The following SLC14A2 variants were observed in gnomAD, a reference collection of about 807,000 sequenced individuals.
SLC14A2 encodes solute carrier family 14 member 2, also known as urea transporter 2.
In SLC14A2, 91 loss-of-function variants were observed where a neutral mutation model predicts 104.6. The observed-to-expected ratio is 0.87, with a 90% CI of 0.73 to 1.04. The LOEUF is 1.04. SLC14A2 is among the 50% of genes least tolerant of loss of function. The probability of loss-of-function intolerance (pLI) is 0.00; values close to 1 mark genes in which losing one functional copy is unlikely to be tolerated. For missense variants in SLC14A2, 1,189 were observed against 1,156.0 expected, an observed-to-expected ratio of 1.03 and a Z score of -0.41; for synonymous variants, 476 against 466.4, an observed-to-expected ratio of 1.02 and a Z score of -0.27.
At chr18:45,415,074 G>T (rs1193360939) in intron 1 of SLC14A2, among the ~76,000 whole-genome samples, 1 of 151,958 alleles carries the variant, frequency 6.6e-6, no homozygotes, top group Non-Finnish European at 1.5e-5. Context: ...AAATTTAAGT[G>T]AAGCAAATTT....
the SLC14A2 span, among the ~76,000 whole-genome samples, chr18:45,199,362 C>T: frequency 3.3e-5 from 5 of 152,110 alleles, no homozygotes; most frequent in Non-Finnish European, 4.4e-5. Context: ...AAATTCTTAT[C>T]AGACAGATAT....
Position 45,480,640 on chromosome 18 carries a change from G to A in SLC14A2, c.-124-2593G>A, listed in dbSNP as rs142743919. On this transcript the variant is annotated intron_variant, in intron 1 of 20. Coordinates refer to the SLC14A2 transcript ENST00000586448. ...ATTACCCCCACAGCCCACATAACCA[G>A]AGCAGAGCTCCCCTTACATGCCTGA... is the stretch of plus-strand genomic sequence containing the variant. 9.3e-4 allele frequency among the ~76,000 whole-genome samples: 141 copies of A among 152,228 alleles called. 1 individual carries two copies. Among genetic ancestry groups the A allele is most frequent in the African/African-American group, 3.3e-3 (137 of 41,540 alleles).
intron 10 of SLC14A2, chr18:45,647,957 T>TAAC (rs1238965452): frequency 3.9e-5 from 6 of 152,154 alleles, no homozygotes; most frequent in African/African-American, 1.4e-4. Flanking sequence ...AATTGATTTG[T>TAAC]TAATTGTATT....
intron 1 of SLC14A2, among the ~76,000 whole-genome samples, chr18:45,305,024 T>C (rs1168672000): frequency 6.6e-6 from 1 of 152,224 alleles, no homozygotes; most frequent in Non-Finnish European, 1.5e-5. Context: ...TGAGAATCAT[T>C]CCACAGTGTC....
At chr18:45,307,293 C>T (rs576817904) in intron 1 of SLC14A2, among the ~76,000 whole-genome samples, 63 of 151,848 alleles carry the variant, frequency 4.1e-4, no homozygotes, top group South Asian at 2.9e-3. Context: ...TGGTGGATGC[C>T]TGTAATCCCA....
Position 45,625,854 on chromosome 18 carries a change from T to A in SLC14A2, c.322T>A (p.Trp108Arg). The A allele has an allele frequency of 6.8e-7, 1 of 1,473,092 alleles. No homozygotes were observed. The highest frequency in any genetic ancestry group is 9.0e-7 in the Non-Finnish European group (1 of 1,113,580). 91.3% of individuals were successfully genotyped at this position (1,473,092 alleles called of 1,614,324 possible). The change falls in exon 3 of 20, where the codon TGG becomes AGG. Residue 108 changes from tryptophan to arginine, a missense_variant. Coordinates refer to ENST00000255226, the MANE Select transcript of SLC14A2 (RefSeq NM_007163.4). ...LTGDMKEYRI[W>R]LKDKHLALQF... ...GGGCGACATGAAGGAGTACAGGATC[T>A]GGCTGAAAGGTAGGAAAATACCCTG... is the stretch of plus-strand genomic sequence containing the variant.
At chr18:45,596,027 C>A (rs1277836018) in intron 2 of SLC14A2, among the ~76,000 whole-genome samples, 1 of 152,150 alleles carries the variant, frequency 6.6e-6, no homozygotes, top group Non-Finnish European at 1.5e-5. Context: ...AAAAAGAAAA[C>A]CACCCAGTAC....
upstream of SLC14A2, among the ~76,000 whole-genome samples, chr18:45,614,385 G>A (rs2045025171): frequency 6.6e-6 from 1 of 152,214 alleles, no homozygotes; most frequent in African/African-American, 2.4e-5. Flanking sequence ...CCCCCACACA[G>A]AGTCCCCACT....
intron 1 of SLC14A2, among the ~76,000 whole-genome samples, chr18:45,226,518 T>A (rs1480152830): frequency 1.3e-5 from 2 of 152,010 alleles, no homozygotes; most frequent in African/African-American, 4.8e-5. Context: ...TGTCCTTTGT[T>A]GGGACATGGA....
chr18:45,548,556 T>C (rs2044007942), intron 2 of SLC14A2, among the ~76,000 whole-genome samples: 1 of 152,062 alleles, frequency 6.6e-6, no homozygotes, highest in Non-Finnish European at 1.5e-5. Flanking sequence ...ATAAAAAAAT[T>C]AGCCATGCGT....
intron 1 of SLC14A2, among the ~76,000 whole-genome samples, chr18:45,220,360 G>A (rs928862465): frequency 2.0e-5 from 3 of 152,160 alleles, no homozygotes; most frequent in Non-Finnish European, 4.4e-5. Flanking sequence ...CAGTTATCAG[G>A]CCCTTACTAC....
chr18:45,211,235 C>G (rs948566361), upstream of SLC14A2, among the ~76,000 whole-genome samples: 13 of 152,160 alleles, frequency 8.5e-5, no homozygotes, highest in African/African-American at 3.1e-4. Flanking sequence ...ACATATTTTC[C>G]CAGTGCCCAA....
the SLC14A2 span, among the ~76,000 whole-genome samples, chr18:45,203,317 C>G: frequency 5.3e-5 from 8 of 152,180 alleles, no homozygotes; most frequent in Middle Eastern, 3.2e-3. Context: ...CATTCTTACC[C>G]AGTGTGATCT....
At chr18:45,523,765 C>T (rs1598958549) in intron 2 of SLC14A2, among the ~76,000 whole-genome samples, 2 of 152,028 alleles carry the variant, frequency 1.3e-5, no homozygotes, top group Non-Finnish European at 2.9e-5. Context: ...GCCTGGATCT[C>T]CACTGAGGGC....
intron 1 of SLC14A2, among the ~76,000 whole-genome samples, chr18:45,293,720 C>A (rs910583140): frequency 6.6e-6 from 1 of 152,072 alleles, no homozygotes; most frequent in Non-Finnish European, 1.5e-5. Flanking sequence ...TGTTTCTTTA[C>A]GAAGAGGTTG....
At chr18:45,640,022 G>T (rs1036378195) in intron 7 of SLC14A2, 129 bp downstream of exon 7, 1 of 860,846 alleles carries the variant, frequency 1.2e-6, no homozygotes, top group Non-Finnish European at 1.8e-6. Flanking sequence ...AGACAGGCAC[G>T]GTGACTTATG....
chr18:45,413,960 AAAG>A (rs1649799787), intron 1 of SLC14A2, among the ~76,000 whole-genome samples: 2 of 152,220 alleles, frequency 1.3e-5, no homozygotes, highest in Admixed American at 6.5e-5. Flanking sequence ...CGTAAAAAAA[AAAG>A]AAAATCACGT....
At chr18:45,249,558 CCT>C (rs1394079113) in intron 1 of SLC14A2, among the ~76,000 whole-genome samples, 2 of 152,262 alleles carry the variant, frequency 1.3e-5, no homozygotes, top group Non-Finnish European at 2.9e-5. Context: ...AAACATCTGG[CCT>C]CTCTGATTTT....
Position 45,682,498 on chromosome 18 carries a change from T to A in SLC14A2, c.2742T>A (p.Tyr914Ter). ...RNRRASIITK[Y>*]QAYDVS Reference sequence around the variant, plus strand: ...GAAGGGCATCAATCATAACAAAGTATCAGGCCTACGATGTCTCCTAAGTTT... The same window carrying A: ...GAAGGGCATCAATCATAACAAAGTAACAGGCCTACGATGTCTCCTAAGTTT... The change falls in exon 20 of 20, where the codon TAT becomes TAA. Residue 914 changes from tyrosine (Y) to a stop codon, truncating the protein, a stop_gained. Coordinates refer to ENST00000255226, the MANE Select transcript of SLC14A2 (RefSeq NM_007163.4). LOFTEE classifies it high-confidence loss of function. 1.9e-6 allele frequency: 3 copies of A among 1,614,090 alleles called. No individual in the cohort carries two copies. The highest frequency in any genetic ancestry group is 1.7e-6 in the Non-Finnish European group (2 of 1,179,936).
Sources: gnomAD v4.1 joint callset for allele counts (sites outside exome capture counted in the v4.1 genomes callset) on GRCh38, gnomAD v4.1.1 for gene constraint, MANE v1.5 for transcripts, NCBI Gene and HGNC (gene_info 2026-07-23, HGNC 2026-07-21) for gene names.